The following TESMIN variants were observed in gnomAD, a reference collection of about 807,000 sequenced individuals.
TESMIN encodes CXC domain containing 2.
In TESMIN, 34 loss-of-function variants were observed where a neutral mutation model predicts 47.4. The ratio of observed to expected loss-of-function variants is 0.72; its 90% CI spans 0.55 to 0.96. The LOEUF (loss-of-function observed/expected upper bound fraction) is 0.96. Among genes scored for constraint, TESMIN ranks in the 40% least tolerant of loss-of-function variants. The pLI, the probability that TESMIN is intolerant of heterozygous loss-of-function variation, is 0.00. For synonymous variants in TESMIN, 278 were observed against 258.9 expected, an observed-to-expected ratio of 1.07 and a Z score of -0.71; for missense variants, 610 against 637.2, an observed-to-expected ratio of 0.96 and a Z score of 0.46.
intron 1 of TESMIN, among the ~76,000 whole-genome samples, chr11:68,751,123 GAGGGGCGACCAGGTA>G (rs1277645891): frequency 2.0e-5 from 2 of 101,320 alleles, no homozygotes; most frequent in Non-Finnish European, 2.1e-5. Context: ...GGAGTCAGGG[GAGGGGCGACCAGGTA>G]AGGGGCGGCC....
intron 3 of TESMIN, among the ~76,000 whole-genome samples, chr11:68,746,717 G>C (rs915152528): frequency 4.6e-5 from 7 of 152,168 alleles, no homozygotes; most frequent in African/African-American, 1.4e-4. Flanking sequence ...GGGATAAAAA[G>C]AATGCCTATC....
chr11:68,709,749 C>T (rs968121893), intron 9 of TESMIN, among the ~76,000 whole-genome samples: 3 of 152,170 alleles, frequency 2.0e-5, no homozygotes, highest in East Asian at 3.8e-4. Context: ...CACTGCAAGA[C>T]GAGGCTCCAA....
chr11:68,714,846 C>T (rs531449572), intron 7 of TESMIN, among the ~76,000 whole-genome samples: 29 of 152,248 alleles, frequency 1.9e-4, no homozygotes, highest in Non-Finnish European at 3.1e-4. Context: ...AACAGTTTCC[C>T]GAAGTGGTTG....
chr11:68,735,395 G>T (rs1465355461), intron 6 of TESMIN, among the ~76,000 whole-genome samples: 1 of 152,182 alleles, frequency 6.6e-6, no homozygotes, highest in Non-Finnish European at 1.5e-5. Flanking sequence ...GTCCAGTGGG[G>T]ACCCACTGTA....
At chr11:68,735,029 CTT>C (rs1171271356) in intron 6 of TESMIN, among the ~76,000 whole-genome samples, 6 of 152,378 alleles carry the variant, frequency 3.9e-5, no homozygotes, top group South Asian at 4.1e-4. Context: ...AAGCTGCTAA[CTT>C]TGACTGCTTC....
In TESMIN at chr11:68,707,998, T is replaced by C. The variant is rs1946016275; in HGVS notation, c.*310A>G. 2.3e-6 allele frequency: 1 copy of C among 441,192 alleles called. No individual in the cohort carries two copies. The highest frequency in any genetic ancestry group is 5.2e-5 in the East Asian group (1 of 19,188). The allele number at this position is 441,192 out of a possible 1,614,324, so 27.3% of individuals were successfully genotyped here. A position where few individuals can be genotyped will look rare whatever the true frequency, so the allele number is the denominator to read the frequency against. On this transcript the variant is annotated 3_prime_UTR_variant, in exon 10 of 10. Coordinates refer to ENST00000255087, the MANE Select transcript of TESMIN (RefSeq NM_004923.3). ...GCCCTCCCCTGCCCCGCTCTGCCCT[T>C]CGCAGGGCCTGCTGTGCCCTCCCCT...
chr11:68,725,256 C>T (rs934654386), intron 6 of TESMIN, among the ~76,000 whole-genome samples: 1 of 151,966 alleles, frequency 6.6e-6, no homozygotes, highest in African/African-American at 2.4e-5. Context: ...ATTAATTGTC[C>T]GTATGGAAAA....
chr11:68,707,074 T>C (rs1313936899), downstream of TESMIN, among the ~76,000 whole-genome samples: 6 of 152,226 alleles, frequency 3.9e-5, no homozygotes, highest in African/African-American at 1.4e-4. Context: ...ATGCATGTCT[T>C]TACCTCTGGT....
At chr11:68,737,542 G>A in intron 6 of TESMIN, 1 of 985,692 alleles carries the variant, frequency 1.0e-6, no homozygotes, top group Non-Finnish European at 1.2e-6. Flanking sequence ...AAGCACTGGA[G>A]GCTGCGGGCT....
rs759848839 is a variant in TESMIN at position 68,713,353 on chromosome 11, A to C, written c.1075T>G (p.Leu359Val). The change falls in exon 8 of 10, where the codon TTG becomes GTG. Residue 359 changes from leucine to valine, a missense_variant. Leu to Val is a conservative substitution (Grantham distance 32, BLOSUM62 1). Coordinates refer to ENST00000255087, the MANE Select transcript of TESMIN (RefSeq NM_004923.3). ...TTGTGCTGGGGCTTGACATTGCCCAATTGGCCCTTCCCAATTTTTGGCTGG... is the reference window on the plus strand; with the variant it reads ...TTGTGCTGGGGCTTGACATTGCCCACTTGGCCCTTCCCAATTTTTGGCTGG... ...AFQPKIGKGQ[L>V]GNVKPQHNKG... 3 of 1,614,176 alleles carry C rather than the reference A, an allele frequency of 1.9e-6. No individual in the cohort carries two copies. Among genetic ancestry groups the C allele is most frequent in the East Asian group, 2.2e-5 (1 of 44,876 alleles).
At chr11:68,745,177 T>C (rs1946504003) in intron 3 of TESMIN, 66 bp from the exon 4 acceptor site, 6 of 1,447,312 alleles carry the variant, frequency 4.1e-6, no homozygotes, top group Non-Finnish European at 5.6e-6. Flanking sequence ...TGAACCTAAA[T>C]AAACTTAAAT....
chr11:68,708,252 C>G lies in TESMIN; in HGVS notation c.*56G>C. 1 of 1,494,612 alleles carries G rather than the reference C, an allele frequency of 6.7e-7. No individual in the cohort carries two copies. The highest frequency in any genetic ancestry group is 9.0e-7 in the Non-Finnish European group (1 of 1,107,032). 92.6% of individuals were successfully genotyped at this position (1,494,612 alleles called of 1,614,324 possible). On this transcript the variant is annotated 3_prime_UTR_variant, in exon 10 of 10. Coordinates refer to ENST00000255087, the MANE Select transcript of TESMIN (RefSeq NM_004923.3). ...CCTCATGTTCCCCTAAACATCCTTT[C>G]TAAACTAGAGATTTCTAGACTAAGA...
intron 5 of TESMIN, among the ~76,000 whole-genome samples, chr11:68,740,893 G>A (rs1394871580): frequency 6.6e-6 from 1 of 151,926 alleles, no homozygotes; most frequent in African/African-American, 2.4e-5. Context: ...ATATCCAAAC[G>A]GAACTCCTGG....
rs1946418641 is a variant in TESMIN, at chr11:68,738,709, G to A, written c.908C>T (p.Thr303Ile). The A allele has an allele frequency of 1.2e-6, 2 of 1,613,972 alleles. No homozygotes were observed. Among genetic ancestry groups the A allele is most frequent in the African/African-American group, 1.3e-5 (1 of 75,006 alleles). The change falls in exon 6 of 10, where the codon ACT (threonine) becomes ATT (isoleucine). Residue 303 changes from threonine to isoleucine, a missense_variant. Physicochemically the swap from Thr to Ile is moderately conservative, Grantham distance 89. Coordinates refer to ENST00000255087, the MANE Select transcript of TESMIN (RefSeq NM_004923.3). ...TGCTTCTAATCCTTACCCAGCCAAAGTTATTTTTGGTGGTCCTGGAAGAGT... is the reference window on the plus strand; with the variant it reads ...TGCTTCTAATCCTTACCCAGCCAAAATTATTTTTGGTGGTCCTGGAAGAGT... ...GSTLPGPPKI[T>I]LAGYCDCFAS... is the part of the protein sequence containing the mutation.
intron 6 of TESMIN, among the ~76,000 whole-genome samples, chr11:68,730,407 C>T (rs920664243): frequency 2.6e-5 from 4 of 152,082 alleles, no homozygotes; most frequent in Non-Finnish European, 5.9e-5. Flanking sequence ...TTTACAGTTG[C>T]TTTAAAAAAT....
At chr11:68,730,374 C>T (rs958576037) in intron 6 of TESMIN, among the ~76,000 whole-genome samples, 1 of 151,996 alleles carries the variant, frequency 6.6e-6, no homozygotes, top group Non-Finnish European at 1.5e-5. Flanking sequence ...TTATATTTTA[C>T]GTTAAATTTT....
chr11:68,750,709 G>A lies in TESMIN; in HGVS notation c.-39-10C>T, dbSNP rs1192285318. On this transcript the variant is annotated splice_polypyrimidine_tract_variant and intron_variant, in intron 1 of 9. Transcript: ENST00000255087. The stretch of plus-strand genomic sequence containing the variant: ...GGCGGGGGCCGCGCACCTGCAACAC[G>A]CGGCCAGGTGAGAGGCAGCCAGAGG... The A allele has an allele frequency of 1.0e-5, 14 of 1,356,284 alleles. No individual in the cohort carries two copies. The East Asian group carries it at 3.3e-4, about 32-fold the overall frequency. 84.0% of individuals were successfully genotyped at this position (1,356,284 alleles called of 1,614,324 possible).
At position 68,745,039 on chromosome 11, in the gene TESMIN, G is replaced by T. The variant is rs763027489; in HGVS notation, c.703C>A (p.Leu235Ile). The T allele has an allele frequency of 4.4e-6, 7 of 1,591,286 alleles. No homozygotes were observed. The East Asian group carries it at 1.6e-4, about 36-fold the overall frequency. ...DNSRTRELKA[L>I]HLVPQYQDQN... Reference sequence around the variant, plus strand: ...TCTTGATACTGAGGAACCAAATGGAGTGCTTTTAGTTCTCTTGTTCTAGAA... The same window carrying T: ...TCTTGATACTGAGGAACCAAATGGATTGCTTTTAGTTCTCTTGTTCTAGAA... The change falls in exon 4 of 10, where the codon CTC (leucine) becomes ATC (isoleucine). Residue 235 changes from leucine (L) to isoleucine (I), a missense_variant. By Grantham distance (5) the Leu-to-Ile change is conservative (BLOSUM62 2). Coordinates refer to ENST00000255087, the MANE Select transcript of TESMIN (RefSeq NM_004923.3).
chr11:68,724,991 G>C (rs1946243983), intron 6 of TESMIN, among the ~76,000 whole-genome samples: 1 of 152,146 alleles, frequency 6.6e-6, no homozygotes, highest in South Asian at 2.1e-4. Flanking sequence ...AGTATAATAA[G>C]GCAAGGAAAA....
Sources: allele counts gnomAD v4.1 joint callset (sites outside exome capture counted in the v4.1 genomes callset), GRCh38; gene constraint gnomAD v4.1.1; transcripts MANE v1.5; gene names NCBI Gene and HGNC (gene_info 2026-07-23, HGNC 2026-07-21).